CSGALNACT1: variants seen among roughly 807,000 people sequenced by gnomAD.
The protein encoded by CSGALNACT1 is chondroitin sulfate N-acetylgalactosaminyltransferase 1.
CSGALNACT1 carries 52 observed loss-of-function variants against 51.0 expected under a neutral mutation model. The observed-to-expected ratio is 1.02, with a 90% CI of 0.82 to 1.29. The LOEUF (loss-of-function observed/expected upper bound fraction) is 1.29, where lower values mean the gene tolerates loss of function less well. Ranked by LOEUF, CSGALNACT1 falls within the 50% of genes most tolerant of loss-of-function variation. The pLI, the probability that CSGALNACT1 is intolerant of heterozygous loss-of-function variation, is 0.00. For missense variants in CSGALNACT1, 935 were observed against 679.2 expected (o/e 1.38, Z -4.19); for synonymous variants, 341 against 254.4 (o/e 1.34, Z -3.24).
chr8:19,408,400 C>T (rs1371793888), intron 9 of CSGALNACT1, among the ~76,000 whole-genome samples: 1 of 151,414 alleles, frequency 6.6e-6, no homozygotes, highest in Non-Finnish European at 1.5e-5. Flanking sequence ...CTCAAGTGAT[C>T]CCCCCTCCTC....
intron 1 of CSGALNACT1, among the ~76,000 whole-genome samples, chr8:19,744,736 T>C (rs1589796464): frequency 6.6e-6 from 1 of 152,244 alleles, no homozygotes; most frequent in South Asian, 2.1e-4. Context: ...AATATGGGGA[T>C]CCTTGAATGT....
At chr8:19,579,910 A>G (rs1436543330) in intron 3 of CSGALNACT1, among the ~76,000 whole-genome samples, 1 of 152,242 alleles carries the variant, frequency 6.6e-6, no homozygotes, top group African/African-American at 2.4e-5. Flanking sequence ...AGCTGGATGA[A>G]GAAGAAGGAA....
intron 1 of CSGALNACT1, among the ~76,000 whole-genome samples, chr8:19,748,772 C>T (rs1398958960): frequency 6.6e-6 from 1 of 152,098 alleles, no homozygotes; most frequent in Non-Finnish European, 1.5e-5. Flanking sequence ...CAAGACCAAC[C>T]TGGCCAACAT....
intron 3 of CSGALNACT1, among the ~76,000 whole-genome samples, chr8:19,559,832 GAATC>G (rs1347306030): frequency 2.0e-5 from 3 of 152,158 alleles, no homozygotes; most frequent in African/African-American, 7.2e-5. Flanking sequence ...TGAACTTATA[GAATC>G]AATACAATGC....
At chr8:19,647,065 G>C (rs2057345160) in intron 1 of CSGALNACT1, among the ~76,000 whole-genome samples, 1 of 151,938 alleles carries the variant, frequency 6.6e-6, no homozygotes, top group African/African-American at 2.4e-5. Flanking sequence ...CCCTAAATAA[G>C]AAGCCCGCTT....
chr8:19,705,032 T>C (rs1282557173), intron 1 of CSGALNACT1, among the ~76,000 whole-genome samples: 1 of 152,242 alleles, frequency 6.6e-6, no homozygotes, highest in African/African-American at 2.4e-5. Flanking sequence ...CTGTAGTTAA[T>C]ACACGTATTG....
chr8:19,650,943 C>T (rs2057750093), intron 1 of CSGALNACT1, among the ~76,000 whole-genome samples: 1 of 152,124 alleles, frequency 6.6e-6, no homozygotes. Context: ...AAAGAGGCAT[C>T]ACCAGATAAT....
At chr8:19,660,887 C>G (rs1056506961) in intron 1 of CSGALNACT1, among the ~76,000 whole-genome samples, 5 of 152,050 alleles carry the variant, frequency 3.3e-5, no homozygotes, top group Admixed American at 2.0e-4. Flanking sequence ...TTCTATGGCA[C>G]AAGGACCGTT....
At chr8:19,564,592 G>C (rs17128650) in intron 3 of CSGALNACT1, among the ~76,000 whole-genome samples, 23,159 of 152,022 alleles carry the variant, frequency 0.15, 1,831 homozygotes, top group African/African-American at 0.17. Context: ...GGACCTGGAA[G>C]AGCGGCCCTA....
chr8:19,704,948 G>A (rs116488131), intron 1 of CSGALNACT1, among the ~76,000 whole-genome samples: 372 of 152,296 alleles, frequency 2.4e-3, no homozygotes, highest in African/African-American at 8.5e-3. Context: ...GTTGGGAAAT[G>A]GGGAGATTTT....
chr8:19,547,756 A>G (rs899445190), intron 3 of CSGALNACT1, among the ~76,000 whole-genome samples: 2 of 152,236 alleles, frequency 1.3e-5, no homozygotes, highest in Non-Finnish European at 2.9e-5. Context: ...ATAATAGTTA[A>G]AAACTTGGAA....
chr8:19,450,667 C>A (rs758173793), intron 5 of CSGALNACT1, among the ~76,000 whole-genome samples: 24 of 152,094 alleles, frequency 1.6e-4, no homozygotes, highest in Non-Finnish European at 2.9e-4. Flanking sequence ...GAGGCTGAGG[C>A]AGGCTGTAAA....
intron 5 of CSGALNACT1, among the ~76,000 whole-genome samples, chr8:19,453,450 G>T (rs1023943819): frequency 6.6e-6 from 1 of 152,138 alleles, no homozygotes; most frequent in Non-Finnish European, 1.5e-5. Flanking sequence ...TAAAAAAACA[G>T]AGATGCTAAT....
chr8:19,614,799 C>A (rs767110138), intron 1 of CSGALNACT1, among the ~76,000 whole-genome samples: 1 of 152,088 alleles, frequency 6.6e-6, no homozygotes, highest in Non-Finnish European at 1.5e-5. Context: ...ACTAAAGACA[C>A]AACAATTCAG....
At position 19,620,142 on chromosome 8, in the gene CSGALNACT1, G is replaced by A. The variant is rs555699330; in HGVS notation, c.-543-18277C>T. On this transcript the variant is annotated intron_variant, in intron 1 of 9. Coordinates refer to the CSGALNACT1 transcript ENST00000332246. Reference sequence around the variant, plus strand: ...AACCTGGCCAATGTGGGGAAACCCCGTCTCTACTAAAAATACAAAAAAATT... The same window carrying A: ...AACCTGGCCAATGTGGGGAAACCCCATCTCTACTAAAAATACAAAAAAATT... Among the ~76,000 whole-genome samples, 17 of 151,836 alleles carry A rather than the reference G, an allele frequency of 1.1e-4. No individual in the cohort carries two copies. In the South Asian group the frequency reaches 1.9e-3, roughly 17 times the overall value.
At chr8:19,601,945 T>C (rs530373827) in intron 1 of CSGALNACT1, 80 bp from the exon 2 acceptor site, 2 of 447,962 alleles carry the variant, frequency 4.5e-6, no homozygotes, top group South Asian at 1.6e-5. Flanking sequence ...AATGGGAACA[T>C]TTTAAATCAC....
At chr8:19,639,054 C>T (rs950164434) in intron 1 of CSGALNACT1, among the ~76,000 whole-genome samples, 4 of 152,104 alleles carry the variant, frequency 2.6e-5, no homozygotes, top group Non-Finnish European at 5.9e-5. Context: ...CGACTCCTCC[C>T]CTGCCTCTTC....
At chr8:19,650,684 G>C (rs546285030) in intron 1 of CSGALNACT1, among the ~76,000 whole-genome samples, 1 of 152,256 alleles carries the variant, frequency 6.6e-6, no homozygotes, top group South Asian at 2.1e-4. Context: ...GACAGTGTGT[G>C]TGAGACTGAA....
chr8:19,524,050 G>A (rs917558545), intron 3 of CSGALNACT1, among the ~76,000 whole-genome samples: 4 of 152,146 alleles, frequency 2.6e-5, no homozygotes, highest in African/African-American at 7.2e-5. Context: ...TCCCAGTGCT[G>A]TGGGAAGCTG....
Sources: allele counts gnomAD v4.1 joint callset (sites outside exome capture counted in the v4.1 genomes callset), GRCh38; gene constraint gnomAD v4.1.1; transcripts MANE v1.5; gene names NCBI Gene and HGNC (gene_info 2026-07-23, HGNC 2026-07-21).